Variants in SAMSN1 observed in about 807,000 individuals in gnomAD.
SAMSN1 encodes the protein SAM domain, SH3 domain and nuclear localization signals 1, also known as SAM domain-containing protein SAMSN-1.
SAMSN1 carries 31 observed loss-of-function variants against 42.0 expected under a neutral mutation model. That is an observed-to-expected ratio of 0.74 (90% confidence interval 0.55 to 1.00). The LOEUF (loss-of-function observed/expected upper bound fraction) is 1.00. Ranked by LOEUF, SAMSN1 falls within the 50% of genes least tolerant of loss-of-function variation. The pLI, the probability that SAMSN1 is intolerant of heterozygous loss-of-function variation, is 0.00. For missense variants in SAMSN1, 464 were observed against 439.4 expected (o/e 1.06, Z -0.50); for synonymous variants, 178 against 151.9 (o/e 1.17, Z -1.26).
intron 1 of SAMSN1, among the ~76,000 whole-genome samples, chr21:14,521,851 T>G (rs1296882831): frequency 2.6e-5 from 4 of 151,258 alleles, no homozygotes; most frequent in Non-Finnish European, 5.9e-5. Flanking sequence ...ATCCTGTACA[T>G]GTACCCCGAA....
chr21:14,490,096 C>T (rs929123973), intron 7 of SAMSN1, among the ~76,000 whole-genome samples: 20 of 152,084 alleles, frequency 1.3e-4, no homozygotes. Context: ...GATTTCTTTG[C>T]CCAAATCATC....
At chr21:14,579,246 T>C (rs571941648) in intron 2 of SAMSN1, among the ~76,000 whole-genome samples, 1 of 152,342 alleles carries the variant, frequency 6.6e-6, no homozygotes, top group East Asian at 1.9e-4. Context: ...GGCTTTTCTG[T>C]CACGAATGCT....
chr21:14,596,499 T>C (rs931681940), intron 6 of SAMSN1, among the ~76,000 whole-genome samples: 12 of 152,176 alleles, frequency 7.9e-5, no homozygotes, highest in Non-Finnish European at 1.5e-4. Context: ...TCACCCTTAG[T>C]GTGAGCTGGA....
intron 2 of SAMSN1, among the ~76,000 whole-genome samples, chr21:14,569,870 C>T (rs1184588878): frequency 6.6e-6 from 1 of 152,044 alleles, no homozygotes; most frequent in Non-Finnish European, 1.5e-5. Context: ...TTACCAAAAA[C>T]AACGAATCTA....
intron 1 of SAMSN1, among the ~76,000 whole-genome samples, chr21:14,653,081 G>A (rs1175361739): frequency 1.3e-5 from 2 of 152,038 alleles, no homozygotes; most frequent in Non-Finnish European, 2.9e-5. Context: ...CTATTTCACT[G>A]TTGGCGGGAA....
At chr21:14,521,401 T>A (rs1014436959) in intron 1 of SAMSN1, among the ~76,000 whole-genome samples, 180 bp from the exon 2 acceptor site, 1 of 152,254 alleles carries the variant, frequency 6.6e-6, no homozygotes, top group Non-Finnish European at 1.5e-5. Context: ...TTTTTATATT[T>A]ACAGTTGATC....
At chr21:14,628,892 T>C (rs544675479) in intron 2 of SAMSN1, among the ~76,000 whole-genome samples, 57 of 152,328 alleles carry the variant, frequency 3.7e-4, no homozygotes, top group African/African-American at 1.4e-3. Flanking sequence ...ATCTGTAGGG[T>C]TGATACTATT....
intron 2 of SAMSN1, among the ~76,000 whole-genome samples, chr21:14,561,572 T>C (rs1358168347): frequency 2.0e-5 from 3 of 152,192 alleles, no homozygotes; most frequent in Non-Finnish European, 4.4e-5. Context: ...AGCCAGATTC[T>C]GAAGCATTTG....
intron 7 of SAMSN1, among the ~76,000 whole-genome samples, chr21:14,589,080 T>C (rs541835398): frequency 6.6e-6 from 1 of 152,260 alleles, no homozygotes; most frequent in South Asian, 2.1e-4. Context: ...TTGTTAGAAG[T>C]GCTTGGTTAA....
intron 2 of SAMSN1, among the ~76,000 whole-genome samples, chr21:14,568,822 T>C (rs1485708188): frequency 1.3e-5 from 2 of 152,192 alleles, no homozygotes; most frequent in Non-Finnish European, 2.9e-5. Flanking sequence ...TTAGTAGTAA[T>C]TCCTTCATGT....
At chr21:14,631,939 G>A (rs1235811893) in intron 2 of SAMSN1, among the ~76,000 whole-genome samples, 1 of 151,916 alleles carries the variant, frequency 6.6e-6, no homozygotes, top group African/African-American at 2.4e-5. Context: ...AAAAAGAGAA[G>A]TAGGAAGAAG....
chr21:14,581,607 C>T (rs1022205003), intron 2 of SAMSN1, among the ~76,000 whole-genome samples: 8 of 151,550 alleles, frequency 5.3e-5, no homozygotes, highest in Admixed American at 5.3e-4. Flanking sequence ...GATCCTCCCG[C>T]CTCGGCCTCC....
chr21:14,557,494 T>G (rs979239738), intron 2 of SAMSN1, among the ~76,000 whole-genome samples: 2 of 152,170 alleles, frequency 1.3e-5, no homozygotes, highest in African/African-American at 2.4e-5. Context: ...TGGGAACATG[T>G]TCAACCCCTG....
At chr21:14,652,971 A>T (rs461058) in intron 1 of SAMSN1, among the ~76,000 whole-genome samples, 1 of 151,922 alleles carries the variant, frequency 6.6e-6, no homozygotes, top group Non-Finnish European at 1.5e-5. Flanking sequence ...AATGCAAATC[A>T]AAACTACAAT....
At chr21:14,550,075 T>A (rs1980549733), upstream of SAMSN1, among the ~76,000 whole-genome samples, 1 of 152,156 alleles carries the variant, frequency 6.6e-6, no homozygotes, top group Non-Finnish European at 1.5e-5. Context: ...CTCCTCTAGT[T>A]ATCTAGCTTA....
intron 5 of SAMSN1, 29 bp from the exon 6 acceptor site, chr21:14,500,764 G>A: frequency 6.6e-7 from 1 of 1,518,496 alleles, no homozygotes; most frequent in Non-Finnish European, 9.1e-7. Flanking sequence ...ATACACATTA[G>A]ATTTCAGAGA....
intron 7 of SAMSN1, among the ~76,000 whole-genome samples, chr21:14,495,228 G>A (rs957490688): frequency 6.6e-6 from 1 of 152,198 alleles, no homozygotes; most frequent in African/African-American, 2.4e-5. Flanking sequence ...TCAAGGTACA[G>A]GAAGGTTGTG....
intron 7 of SAMSN1, among the ~76,000 whole-genome samples, chr21:14,493,255 G>T (rs922671464): frequency 2.0e-5 from 3 of 152,156 alleles, no homozygotes; most frequent in African/African-American, 4.8e-5. Flanking sequence ...ACCAGAGTTT[G>T]CAGGTACCTC....
chr21:14,532,272 T>C (rs576557928), intron 1 of SAMSN1, among the ~76,000 whole-genome samples: 2 of 152,336 alleles, frequency 1.3e-5, no homozygotes, highest in African/African-American at 4.8e-5. Flanking sequence ...GTTAATATCA[T>C]AAAGCTTATA....
Sources: gnomAD v4.1 joint callset for allele counts (sites outside exome capture counted in the v4.1 genomes callset) on GRCh38, gnomAD v4.1.1 for gene constraint, MANE v1.5 for transcripts, NCBI Gene and HGNC (gene_info 2026-07-23, HGNC 2026-07-21) for gene names.